RAPGEF1: variants seen among roughly 807,000 people sequenced by gnomAD.
RAPGEF1 encodes CRK SH3-binding GNRP.
In RAPGEF1, 33 loss-of-function variants were observed where a neutral mutation model predicts 143.3. That is an observed-to-expected ratio of 0.23 (90% CI 0.17 to 0.31). The LOEUF (loss-of-function observed/expected upper bound fraction) is 0.31. Among genes scored for constraint, RAPGEF1 ranks in the 10% least tolerant of loss-of-function variants. The probability of loss-of-function intolerance (pLI) is 1.00; values close to 1 mark genes in which losing one functional copy is unlikely to be tolerated. For synonymous variants in RAPGEF1, 629 were observed against 676.5 expected (o/e 0.93, Z 1.09); for missense variants, 1,199 against 1,645.4 (o/e 0.73, Z 4.69).
At chr9:131,678,569 T>G (rs1832635100) in intron 1 of RAPGEF1, among the ~76,000 whole-genome samples, 1 of 152,264 alleles carries the variant, frequency 6.6e-6, no homozygotes, top group Non-Finnish European at 1.5e-5. Context: ...CCTCAAGAGC[T>G]TAACAGAAAT....
chr9:131,690,196 GA>G (rs1306610751), intron 1 of RAPGEF1, among the ~76,000 whole-genome samples: 31 of 152,308 alleles, frequency 2.0e-4, no homozygotes, highest in African/African-American at 7.2e-4. Flanking sequence ...AAACTAGAAG[GA>G]AATAACTCTG....
chr9:131,581,262 C>T (rs766112321), intron 25 of RAPGEF1, among the ~76,000 whole-genome samples: 61 of 152,066 alleles, frequency 4.0e-4, no homozygotes, highest in Non-Finnish European at 4.3e-4. Context: ...GGCATGGTGG[C>T]GTGTACCTGT....
At chr9:131,585,257 T>C (rs1479628836) in intron 22 of RAPGEF1, among the ~76,000 whole-genome samples, 1 of 152,188 alleles carries the variant, frequency 6.6e-6, no homozygotes, top group East Asian at 1.9e-4. Context: ...TATATCTCAC[T>C]GTAGTCTTGA....
chr9:131,633,024 G>A (rs923982332), intron 5 of RAPGEF1, among the ~76,000 whole-genome samples: 1 of 152,192 alleles, frequency 6.6e-6, no homozygotes, highest in Admixed American at 6.5e-5. Context: ...ATCCACAGAT[G>A]CAGGTTCAGT....
intron 1 of RAPGEF1, among the ~76,000 whole-genome samples, chr9:131,699,259 T>TCC (rs931065143): frequency 2.1e-5 from 3 of 139,680 alleles, no homozygotes; most frequent in Admixed American, 1.4e-4. Flanking sequence ...TTTTTTTTTT[T>TCC]CTGAGGTGCA....
rs1250927535 is a variant in RAPGEF1 at position 131,650,837 on chromosome 9, T to C, written c.174A>G (p.Val58=). ...TGTTCACAGGCTTCTCTGGAATCTT[T>C]ACGGACACCTCAGCTGGTTTTCCCT... ...SKKGKPAEVS[V]KIPEKPVNKE... is the part of the protein sequence containing the mutation. The change falls in exon 2 of 27, where the codon GTA becomes GTG. Residue 58 remains valine, a synonymous_variant. Transcript: ENST00000683357. The surrounding 1 kb of genome is among the most constrained non-coding windows in gnomAD (Gnocchi z 4.7). The C allele has an allele frequency of 9.9e-6, 16 of 1,613,920 alleles. No individual in the cohort carries two copies. Among genetic ancestry groups the C allele is most frequent in the Admixed American group, 1.7e-5 (1 of 60,008 alleles).
In RAPGEF1 at chr9:131,584,659, C is replaced by T; in HGVS notation, c.3234-63G>A. The T allele has an allele frequency of 6.5e-7, 1 of 1,548,112 alleles. No homozygotes were observed. ...CAAGTCCCTGCAGGTCCCAGGGGTC[C>T]TGGTGGAGACAGGACCTGTACGACC... On this transcript the variant is annotated intron_variant, in intron 22 of 26. Coordinates refer to ENST00000683357, the MANE Select transcript of RAPGEF1 (RefSeq NM_001377935.1). This position sits in a 1 kb window ranked among gnomAD's most constrained non-coding sequence, Gnocchi z 6.8.
chr9:131,648,613 A>G (rs1970301593), intron 3 of RAPGEF1, among the ~76,000 whole-genome samples: 1 of 152,206 alleles, frequency 6.6e-6, no homozygotes. Context: ...AACAGATTGC[A>G]ATAAAAAATA....
In RAPGEF1 at chr9:131,603,967, A is replaced by G; in HGVS notation, c.2406T>C (p.Ser802=). The change falls in exon 14 of 27, where the codon TCT becomes TCC. Residue 802 remains serine (S), a synonymous_variant. Coordinates refer to ENST00000683357, the MANE Select transcript of RAPGEF1 (RefSeq NM_001377935.1). The stretch of plus-strand genomic sequence containing the variant: ...GCCGCCCGAGGTTACTTACTCCTCG[A>G]GAGGGAGCCAGCTCCTCGCTGCTCT... ...SGQSSEELAP[S]RGEPPAGKDG... 7.5e-7 allele frequency: 1 copy of G among 1,325,026 alleles called. No individual in the cohort carries two copies. Among genetic ancestry groups the G allele is most frequent in the Non-Finnish European group, 1.0e-6 (1 of 999,018 alleles). 82.1% of individuals were successfully genotyped at this position (1,325,026 alleles called of 1,614,324 possible).
chr9:131,722,322 C>G (rs1246459343), intron 1 of RAPGEF1, among the ~76,000 whole-genome samples: 1 of 152,310 alleles, frequency 6.6e-6, no homozygotes, highest in Non-Finnish European at 1.5e-5. Flanking sequence ...CTCTTTTCCC[C>G]TCCCCCAAGC....
intron 1 of RAPGEF1, among the ~76,000 whole-genome samples, chr9:131,665,020 C>G (rs1174996588): frequency 6.6e-6 from 1 of 152,166 alleles, no homozygotes; most frequent in East Asian, 1.9e-4. Flanking sequence ...AGTGAAGGAG[C>G]TAGGTGAAGG....
chr9:131,657,178 G>A (rs962631941), intron 1 of RAPGEF1, among the ~76,000 whole-genome samples: 2 of 152,208 alleles, frequency 1.3e-5, no homozygotes, highest in Non-Finnish European at 1.5e-5. Flanking sequence ...GGGAGGAAAC[G>A]ACAGGTGCCC....
chr9:131,598,080 G>A (rs1231698505), intron 16 of RAPGEF1, 119 bp downstream of exon 16: 1 of 832,758 alleles, frequency 1.2e-6, no homozygotes, highest in Non-Finnish European at 1.9e-6. Context: ...GGCATTGAAA[G>A]ACTTGGTCTC....
chr9:131,598,530 C>A (rs965059699), intron 15 of RAPGEF1: 1 of 684,328 alleles, frequency 1.5e-6, no homozygotes. Context: ...CATCTGTACA[C>A]GGAAGTGATT....
intron 1 of RAPGEF1, among the ~76,000 whole-genome samples, chr9:131,739,364 T>C (rs1234773504): frequency 6.6e-6 from 1 of 152,170 alleles, no homozygotes; most frequent in Non-Finnish European, 1.5e-5. Flanking sequence ...ATGACACATT[T>C]TACAGCTCAG....
At position 131,626,111 on chromosome 9, in the gene RAPGEF1, T is replaced by G. The variant is rs373197789; in HGVS notation, c.1513A>C (p.Ile505Leu). The change falls in exon 10 of 27, where the codon ATC becomes CTC. Residue 505 changes from isoleucine (I) to leucine (L), a missense_variant. Coordinates refer to ENST00000683357, the MANE Select transcript of RAPGEF1 (RefSeq NM_001377935.1). The stretch of plus-strand genomic sequence containing the variant: ...GTGCTCTGCAGGTCCTCCCCAGAGA[T>G]GTTGTCATACTGCGAGGGATGCCGC... The part of the protein sequence containing the change: ...YERHPSQYDN[I>L]SGEDLQSTAP... 1 of 1,613,820 alleles carries G rather than the reference T, an allele frequency of 6.2e-7. No homozygotes were observed. The highest frequency in any genetic ancestry group is 1.1e-5 in the South Asian group (1 of 91,084).
intron 22 of RAPGEF1, among the ~76,000 whole-genome samples, chr9:131,587,426 C>T (rs560572950): frequency 6.6e-6 from 1 of 152,388 alleles, no homozygotes; most frequent in African/African-American, 2.4e-5. Context: ...TTGAGATTGC[C>T]TGGCAGTGAC....
At chr9:131,673,836 T>C (rs1465186840) in intron 1 of RAPGEF1, among the ~76,000 whole-genome samples, 1 of 152,216 alleles carries the variant, frequency 6.6e-6, no homozygotes, top group African/African-American at 2.4e-5. Context: ...GGGCCCATCA[T>C]GTACTCATCG....
chr9:131,732,026 T>C (rs1007289420), intron 1 of RAPGEF1, among the ~76,000 whole-genome samples: 10 of 151,986 alleles, frequency 6.6e-5, no homozygotes, highest in African/African-American at 1.9e-4. Context: ...TTCTAATAAA[T>C]TCAGATGAAC....
Sources: gnomAD v4.1 joint callset for allele counts (sites outside exome capture counted in the v4.1 genomes callset) on GRCh38, gnomAD v4.1.1 for gene constraint, Gnocchi (gnomAD v3.1) non-coding constraint, MANE v1.5 for transcripts, NCBI Gene and HGNC (gene_info 2026-07-23, HGNC 2026-07-21) for gene names.